Variants in DNAH11 observed in about 807,000 individuals in gnomAD.
DNAH11 encodes dynein axonemal heavy chain 11, also known as axonemal beta dynein heavy chain 11.
A neutral mutation model predicts 526.0 loss-of-function variants in DNAH11; 442 were observed. That is an observed-to-expected ratio of 0.84 (90% CI 0.78 to 0.91). The LOEUF (loss-of-function observed/expected upper bound fraction) is 0.91. Ranked by LOEUF, DNAH11 falls within the 40% of genes least tolerant of loss-of-function variation. The pLI, the probability that DNAH11 is intolerant of heterozygous loss-of-function variation, is 0.00. For synonymous variants in DNAH11, 2,461 were observed against 1,935.9 expected (o/e 1.27, Z -7.12); for missense variants, 6,989 against 5,448.7 (o/e 1.28, Z -8.90).
intron 14 of DNAH11, among the ~76,000 whole-genome samples, chr7:21,599,041 T>C (rs1784970585): frequency 6.6e-6 from 1 of 152,224 alleles, no homozygotes; most frequent in Non-Finnish European, 1.5e-5. Context: ...AGTGCTATAA[T>C]GAACATACAT....
At chr7:21,828,296 T>G (rs1472265381) in intron 65 of DNAH11, among the ~76,000 whole-genome samples, 1 of 152,188 alleles carries the variant, frequency 6.6e-6, no homozygotes, top group African/African-American at 2.4e-5. Context: ...GTTCTCTCAT[T>G]ATTTCCTTTG....
Position 21,591,187 on chromosome 7 carries a change from C to T in DNAH11, c.2277C>T (p.Tyr759=), listed in dbSNP as rs907845473. 6.5e-7 allele frequency: 1 copy of T among 1,545,248 alleles called. No homozygotes were observed. The highest frequency in any genetic ancestry group is 1.4e-5 in the African/African-American group (1 of 72,118). ...IFKKRNTILK[Y]IGNLDLLVQG... ...GTTTTGGGGTTTTCTTTGCTCAGTA[C>T]ATTGGAAATCTTGACCTTCTTGTGC... The change falls in exon 14 of 82, where the codon TAC becomes TAT. Residue 759 remains tyrosine (Y), a splice_region_variant and synonymous_variant. Transcript: ENST00000409508.
At chr7:21,627,810 A>G (rs1786413583) in intron 25 of DNAH11, among the ~76,000 whole-genome samples, 1 of 152,166 alleles carries the variant, frequency 6.6e-6, no homozygotes, top group African/African-American at 2.4e-5. Flanking sequence ...ATTTCTGTGG[A>G]AAAAAGTCAT....
In DNAH11 at chr7:21,702,694, CCT is replaced by C; in HGVS notation, c.6181-15_6181-14del. 3 of 1,608,948 alleles carry C rather than the reference CCT, an allele frequency of 1.9e-6. No individual in the cohort carries two copies. Among genetic ancestry groups the C allele is most frequent in the Non-Finnish European group, 2.6e-6 (3 of 1,176,256 alleles). On this transcript the variant is annotated splice_polypyrimidine_tract_variant and intron_variant, in intron 36 of 81. Coordinates refer to ENST00000409508, the MANE Select transcript of DNAH11 (RefSeq NM_001277115.2). ...CTCATACAATTTTTGAGAAAATAAA[CCT>C]GTTTTGATTTTAGGATCATTACGAC... is the stretch of plus-strand genomic sequence containing the variant.
chr7:21,689,499 G>C (rs1174962936), intron 34 of DNAH11, among the ~76,000 whole-genome samples: 1 of 152,198 alleles, frequency 6.6e-6, no homozygotes, highest in Admixed American at 6.5e-5. Context: ...AAGCCTTCTA[G>C]TGCCTTGCCA....
intron 2 of DNAH11, among the ~76,000 whole-genome samples, chr7:21,552,018 G>A (rs1378711078): frequency 6.6e-6 from 1 of 152,178 alleles, no homozygotes; most frequent in Admixed American, 6.5e-5. Flanking sequence ...TAGCAGCAGG[G>A]CTGTGGCAGC....
chr7:21,809,360 T>A (rs1022291035), intron 63 of DNAH11, among the ~76,000 whole-genome samples: 1 of 152,204 alleles, frequency 6.6e-6, no homozygotes, highest in African/African-American at 2.4e-5. Flanking sequence ...GTTGGTTGTT[T>A]CCTTTGCTGA....
chr7:21,692,716 A>G (rs913781256), intron 35 of DNAH11, among the ~76,000 whole-genome samples: 3 of 152,184 alleles, frequency 2.0e-5, no homozygotes, highest in African/African-American at 2.4e-5. Flanking sequence ...CTACATGGCA[A>G]TTGTGTGCTT....
At chr7:21,865,729 G>A (rs777184179) in intron 70 of DNAH11, among the ~76,000 whole-genome samples, 13 of 152,294 alleles carry the variant, frequency 8.5e-5, no homozygotes, top group African/African-American at 1.4e-4. Flanking sequence ...AGAATTCAGC[G>A]TGAGTCTGTA....
At chr7:21,859,187 C>T (rs1782963862) in intron 68 of DNAH11, among the ~76,000 whole-genome samples, 1 of 152,060 alleles carries the variant, frequency 6.6e-6, no homozygotes, top group African/African-American at 2.4e-5. Flanking sequence ...AATCTCGGCT[C>T]ACTGCAATCT....
intron 66 of DNAH11, among the ~76,000 whole-genome samples, chr7:21,842,984 GCAAA>G (rs1468942970): frequency 6.6e-6 from 1 of 152,144 alleles, no homozygotes; most frequent in Non-Finnish European, 1.5e-5. Context: ...TTGTTTGAGG[GCAAA>G]CAAAGAGGCA....
chr7:21,869,360 CTT>C (rs35611631), intron 73 of DNAH11, among the ~76,000 whole-genome samples: 2,992 of 151,902 alleles, frequency 0.02, 99 homozygotes, highest in African/African-American at 0.068. Context: ...CGACAGAACT[CTT>C]TTTTAATGTA....
rs1272931602 is a variant in DNAH11 at position 21,589,414 on chromosome 7, GA to G, written c.2169+12del. ...AATTTTGACCCAAAGGTAGGGATTT[GA>G]TTTTTTAAGATGATTTATAAGTGCC... On this transcript the variant is annotated intron_variant, in intron 12 of 81. Transcript: ENST00000409508. 2 of 1,582,400 alleles carry G rather than the reference GA, an allele frequency of 1.3e-6. No individual in the cohort carries two copies. Among genetic ancestry groups the G allele is most frequent in the African/African-American group, 2.7e-5 (2 of 73,152 alleles).
chr7:21,658,715 G>A (rs1054895384), intron 29 of DNAH11, 83 bp from the exon 30 acceptor site: 2 of 1,185,526 alleles, frequency 1.7e-6, no homozygotes, highest in East Asian at 5.2e-5. Flanking sequence ...ATTACCCTCT[G>A]CGTGGCCTTA....
intron 37 of DNAH11, 81 bp downstream of exon 37, chr7:21,702,883 G>A (rs1032293787): frequency 1.7e-6 from 2 of 1,205,414 alleles, no homozygotes; most frequent in South Asian, 1.4e-5. Flanking sequence ...TGGATGGTGG[G>A]GCATGGACAG....
intron 42 of DNAH11, among the ~76,000 whole-genome samples, chr7:21,716,456 G>T (rs1160594683): frequency 1.3e-5 from 2 of 152,138 alleles, no homozygotes; most frequent in Non-Finnish European, 2.9e-5. Flanking sequence ...GGAGAAAATT[G>T]AGGCACAGAG....
At chr7:21,619,066 G>T in intron 23 of DNAH11, 34 bp from the exon 24 acceptor site, 1 of 1,612,124 alleles carries the variant, frequency 6.2e-7, no homozygotes. Context: ...CATATATGTG[G>T]AATATAAAGT....
At chr7:21,692,155 G>A (rs1783658797) in intron 35 of DNAH11, among the ~76,000 whole-genome samples, 1 of 152,136 alleles carries the variant, frequency 6.6e-6, no homozygotes, top group Non-Finnish European at 1.5e-5. Context: ...TATGGTTTAT[G>A]TTTTATTAGA....
intron 34 of DNAH11, among the ~76,000 whole-genome samples, 155 bp from the exon 35 acceptor site, chr7:21,690,610 A>G (rs1273952519): frequency 1.3e-5 from 2 of 152,224 alleles, no homozygotes; most frequent in Non-Finnish European, 2.9e-5. Flanking sequence ...GCTTCAAAAC[A>G]TATTCAAAAT....
Sources: allele counts gnomAD v4.1 joint callset (sites outside exome capture counted in the v4.1 genomes callset), GRCh38; gene constraint gnomAD v4.1.1; transcripts MANE v1.5; gene names NCBI Gene and HGNC (gene_info 2026-07-23, HGNC 2026-07-21).